OCA2: variants seen among roughly 807,000 people sequenced by gnomAD.
OCA2 encodes P protein.
Under a neutral mutation model 100.2 loss-of-function variants are expected in OCA2, and 77 were observed. That is an observed-to-expected ratio of 0.77 (90% CI 0.64 to 0.93). The LOEUF is 0.93. OCA2 is among the 40% of genes least tolerant of loss of function. OCA2 has a pLI of 0.00. For missense variants in OCA2, 1,062 were observed against 1,089.1 expected, an observed-to-expected ratio of 0.98 and a Z score of 0.35; for synonymous variants, 432 against 439.2, an observed-to-expected ratio of 0.98 and a Z score of 0.21.
rs1003709159 is a variant in OCA2, at chr15:28,027,903, G to A, written c.483C>T (p.Ser161=). Residue 161 remains serine, a synonymous_variant, in exon 4 of 24, where the codon AGC becomes AGT. Coordinates refer to ENST00000354638, the MANE Select transcript of OCA2 (RefSeq NM_000275.3). ...TGGAAAGACGGAGTCGGATGTGCGG[G>A]CTGTCCAGAAGGTCTCCCTTCTCGG... ...ASSEKGDLLD[S]PHIRLRLSKL... is the part of the protein sequence containing the mutation. 1 of 1,613,704 alleles carries A rather than the reference G, an allele frequency of 6.2e-7. No individual in the cohort carries two copies. The highest frequency in any genetic ancestry group is 8.5e-7 in the Non-Finnish European group (1 of 1,180,034).
At chr15:27,824,136 G>A (rs1281666364) in intron 23 of OCA2, among the ~76,000 whole-genome samples, 1 of 152,208 alleles carries the variant, frequency 6.6e-6, no homozygotes, top group Non-Finnish European at 1.5e-5. Flanking sequence ...GGGAGGCTGA[G>A]GCCAGTGGAT....
intron 17 of OCA2, 70 bp from the exon 18 acceptor site, chr15:27,951,962 C>T (rs542012432): frequency 9.3e-5 from 98 of 1,050,458 alleles, no homozygotes; most frequent in South Asian, 1.9e-4. Flanking sequence ...TCATAACCTA[C>T]GCAACTGGAA....
At chr15:27,845,360 A>G (rs1022311829) in intron 22 of OCA2, among the ~76,000 whole-genome samples, 5 of 152,190 alleles carry the variant, frequency 3.3e-5, no homozygotes, top group Non-Finnish European at 4.4e-5. Flanking sequence ...GAAAAACACA[A>G]GTGGGGCCAA....
intron 23 of OCA2, among the ~76,000 whole-genome samples, chr15:27,774,365 G>T (rs928275116): frequency 2.6e-5 from 4 of 152,212 alleles, no homozygotes; most frequent in Admixed American, 2.0e-4. Flanking sequence ...CCCGCGTTCT[G>T]CACTGAGAGC....
chr15:27,788,177 T>C (rs1014444832), intron 23 of OCA2, among the ~76,000 whole-genome samples: 18 of 151,958 alleles, frequency 1.2e-4, no homozygotes, highest in Admixed American at 1.0e-3. Context: ...CTTTGTAAGC[T>C]TGAAAAAAAC....
chr15:27,920,004 G>A (rs1260213147), intron 19 of OCA2, among the ~76,000 whole-genome samples: 2 of 152,146 alleles, frequency 1.3e-5, no homozygotes, highest in Admixed American at 1.3e-4. Context: ...AAGGTTGTAT[G>A]TGATATCAGC....
At chr15:27,930,448 TGACAAGCTATAGTCCATGG>T (rs2039206417) in intron 18 of OCA2, among the ~76,000 whole-genome samples, 1 of 151,934 alleles carries the variant, frequency 6.6e-6, no homozygotes, top group African/African-American at 2.4e-5. Context: ...TAGCAGGGTT[TGACAAGCTATAGTCCATGG>T]GTCAAATCTG....
At chr15:27,806,615 G>A (rs1326689211) in intron 23 of OCA2, among the ~76,000 whole-genome samples, 1 of 152,228 alleles carries the variant, frequency 6.6e-6, no homozygotes, top group Non-Finnish European at 1.5e-5. Flanking sequence ...TCCGCTGTGC[G>A]CTCTCCTGCG....
intron 6 of OCA2, among the ~76,000 whole-genome samples, chr15:28,020,563 G>A (rs2042562479): frequency 1.3e-5 from 2 of 152,042 alleles, no homozygotes. Context: ...GGGGGGCCAG[G>A]AACACAGGGC....
rs34141095 is a variant in OCA2 at position 27,966,695 on chromosome 15, A to G, written c.1631T>C (p.Ile544Thr). 9.4e-5 allele frequency: 152 copies of G among 1,614,060 alleles called. No homozygotes were observed. Among genetic ancestry groups the G allele is most frequent in the Middle Eastern group, 8.4e-4 (5 of 5,974 alleles). ...RKLYNKEPSE[I>T]VELKHEIHVW... The stretch of plus-strand genomic sequence containing the variant: ...GAGGTTGCACTTGTACTCACCAACA[A>G]TCTCACTGGGTTCCTTGTTATAAAG... The change falls in exon 15 of 24, where the codon ATT becomes ACT. Residue 544 changes from isoleucine (I) to threonine (T), a missense_variant. Ile to Thr is a moderately conservative substitution (Grantham distance 89). Transcript: ENST00000354638.
intron 18 of OCA2, among the ~76,000 whole-genome samples, chr15:27,935,003 G>A (rs144935754): frequency 2.7e-4 from 41 of 152,174 alleles, no homozygotes; most frequent in Admixed American, 4.6e-4. Context: ...CTGCAGCCCC[G>A]GTCCCTGTGA....
chr15:27,889,947 C>CTGAAGA (rs2037387069), intron 19 of OCA2, among the ~76,000 whole-genome samples: 5 of 152,204 alleles, frequency 3.3e-5, no homozygotes. Context: ...GAGAAGATAG[C>CTGAAGA]ACAGTTCTGA....
At chr15:28,081,021 CACG>C (rs900888377) in intron 2 of OCA2, among the ~76,000 whole-genome samples, 31 of 152,140 alleles carry the variant, frequency 2.0e-4, no homozygotes, top group African/African-American at 7.5e-4. Context: ...CACATATTCT[CACG>C]ACAAGTGGGC....
chr15:27,780,547 T>A (rs1029361221), intron 23 of OCA2, among the ~76,000 whole-genome samples: 1 of 152,190 alleles, frequency 6.6e-6, no homozygotes. Context: ...TGTCTCTGAG[T>A]GTTATTCAAA....
chr15:27,822,087 A>G (rs572454063), intron 23 of OCA2, among the ~76,000 whole-genome samples: 1 of 152,312 alleles, frequency 6.6e-6, no homozygotes, highest in East Asian at 1.9e-4. Flanking sequence ...ATACAAAAAG[A>G]GAAAAAATGC....
chr15:27,936,817 C>T (rs1303193637), intron 18 of OCA2, among the ~76,000 whole-genome samples: 3 of 152,138 alleles, frequency 2.0e-5, no homozygotes, highest in Admixed American at 2.0e-4. Flanking sequence ...TAATGGCTTC[C>T]ATTCAACACC....
intron 23 of OCA2, among the ~76,000 whole-genome samples, chr15:27,809,458 G>T (rs555014982): frequency 6.6e-6 from 1 of 152,256 alleles, no homozygotes; most frequent in South Asian, 2.1e-4. Flanking sequence ...CTGAGAACTG[G>T]AGCAAGACAA....
At chr15:27,726,300 A>AAAATAAAT in the OCA2 span, among the ~76,000 whole-genome samples, 7,101 of 146,482 alleles carry the variant, frequency 0.048, 235 homozygotes, top group Middle Eastern at 0.1. Flanking sequence ...TCCAGCTCAA[A>AAAATAAAT]AAATAAATAA....
At chr15:28,012,236 A>G (rs2042263846) in intron 9 of OCA2, among the ~76,000 whole-genome samples, 1 of 152,222 alleles carries the variant, frequency 6.6e-6, no homozygotes, top group African/African-American at 2.4e-5. Context: ...GCACAGTAAG[A>G]TATCACTACA....
Sources: allele counts gnomAD v4.1 joint callset (sites outside exome capture counted in the v4.1 genomes callset), GRCh38; gene constraint gnomAD v4.1.1; transcripts MANE v1.5; gene names NCBI Gene and HGNC (gene_info 2026-07-23, HGNC 2026-07-21).